The following TCF12 variants were observed in gnomAD, a reference collection of about 807,000 sequenced individuals.
The protein encoded by TCF12 is transcription factor 12.
Under a neutral mutation model 86.0 loss-of-function variants are expected in TCF12, and 45 were observed. That is an observed-to-expected ratio of 0.52 (90% CI 0.41 to 0.67). The LOEUF (loss-of-function observed/expected upper bound fraction) is 0.67, where lower values mean the gene tolerates loss of function less well. Ranked by LOEUF, TCF12 falls within the 30% of genes least tolerant of loss-of-function variation. The pLI is 0.00. For synonymous variants in TCF12, 330 were observed against 299.6 expected (o/e 1.10, Z -1.05); for missense variants, 881 against 859.9 (o/e 1.02, Z -0.31).
intron 6 of TCF12, among the ~76,000 whole-genome samples, chr15:57,171,254 G>A (rs1351075611): frequency 6.6e-6 from 1 of 151,590 alleles, no homozygotes; most frequent in Non-Finnish European, 1.5e-5. Context: ...AGAATTCATA[G>A]GAGCAGTTCG....
At chr15:57,219,818 C>A (rs569977179) in intron 8 of TCF12, among the ~76,000 whole-genome samples, 1 of 151,288 alleles carries the variant, frequency 6.6e-6, no homozygotes, top group African/African-American at 2.4e-5. Flanking sequence ...CTTCGCCTCC[C>A]GGGTTCAAGC....
chr15:57,091,698 G>T (rs550702257), intron 4 of TCF12, 91 bp from the exon 5 acceptor site: 209 of 821,292 alleles, frequency 2.5e-4, no homozygotes, highest in Non-Finnish European at 3.6e-4. Flanking sequence ...CCATGTGTAA[G>T]TCTGTATATT....
At chr15:57,135,905 T>C (rs939003144) in intron 5 of TCF12, among the ~76,000 whole-genome samples, 12 of 151,404 alleles carry the variant, frequency 7.9e-5, no homozygotes, top group Middle Eastern at 3.4e-3. Flanking sequence ...ATTCTAGCTG[T>C]GTTAGAGGGG....
Position 57,177,244 on chromosome 15 carries a change from T to C in TCF12, c.390+10778T>C, listed in dbSNP as rs1458680411. 3.3e-5 allele frequency among the ~76,000 whole-genome samples: 5 copies of C among 151,616 alleles called. No individual in the cohort carries two copies. The East Asian group carries it at 9.7e-4, about 29-fold the overall frequency. ...GTTTTGTGGAAAGAAAGTCTGATCT[T>C]GGAGTATCAGGCAATAGACAATTTT... On this transcript the variant is annotated intron_variant, in intron 6 of 20. Coordinates refer to ENST00000333725, the MANE Select transcript of TCF12 (RefSeq NM_207037.2).
rs2062895114 is a variant in TCF12 at position 56,981,585 on chromosome 15, C to T, written c.148+60487C>T. On this transcript the variant is annotated intron_variant, in intron 3 of 20. Coordinates refer to ENST00000333725, the MANE Select transcript of TCF12 (RefSeq NM_207037.2). ...GGCCAAAAACACTCAAACCATAACA[C>T]TTATATACAATTGGTCTTTGAACAA... Among the ~76,000 whole-genome samples, 3 of 152,118 alleles carry T rather than the reference C, an allele frequency of 2.0e-5. No homozygotes were observed. In the South Asian group the frequency reaches 6.2e-4, roughly 32 times the overall value.
Position 56,958,676 on chromosome 15 carries a change from AGAGTGT to A in TCF12, c.148+37580_148+37585del, listed in dbSNP as rs1328574368. On this transcript the variant is annotated intron_variant, in intron 3 of 20. Coordinates refer to ENST00000333725, the MANE Select transcript of TCF12 (RefSeq NM_207037.2). ...GTATATGAGAAAGAGAGAGAGAGAG[AGAGTGT>A]GTGTGTGTGTGTGTGTGTGTGTGTG... is the stretch of plus-strand genomic sequence containing the variant. 6.7e-4 allele frequency among the ~76,000 whole-genome samples: 62 copies of A among 92,584 alleles called. 1 individual carries two copies. The South Asian group carries it at 7.5e-3, about 11-fold the overall frequency. The allele number at this position is 92,584 out of a possible 152,430, so 60.7% of individuals were successfully genotyped here.
Position 57,091,582 on chromosome 15 carries a change from G to A in TCF12, c.223-207G>A, listed in dbSNP as rs140471439. 3.2e-3 allele frequency among the ~76,000 whole-genome samples: 490 copies of A among 152,122 alleles called. 8 individuals carry two copies. The highest frequency in any genetic ancestry group is 0.011 in the African/African-American group (466 of 41,514). ...TTTATAGAAACCCACTTTTCTTTACGATCAATAAAGAAAATGTTTTTTGAC... is the reference window on the plus strand; with the variant it reads ...TTTATAGAAACCCACTTTTCTTTACAATCAATAAAGAAAATGTTTTTTGAC... On this transcript the variant is annotated intron_variant, in intron 4 of 20. Coordinates refer to ENST00000333725, the MANE Select transcript of TCF12 (RefSeq NM_207037.2).
chr15:57,195,123 G>A (rs374242194), intron 7 of TCF12, among the ~76,000 whole-genome samples: 3 of 152,014 alleles, frequency 2.0e-5, no homozygotes, highest in South Asian at 2.1e-4. Context: ...GGCTGGTCTC[G>A]AACTCCTGAC....
At chr15:56,946,725 A>C (rs1209730632) in intron 3 of TCF12, among the ~76,000 whole-genome samples, 2 of 151,646 alleles carry the variant, frequency 1.3e-5, no homozygotes, top group East Asian at 3.9e-4. Flanking sequence ...TCTGGCAGGA[A>C]ATTAAGTTAT....
At chr15:57,089,432 C>A (rs1704218301) in intron 4 of TCF12, among the ~76,000 whole-genome samples, 1 of 152,052 alleles carries the variant, frequency 6.6e-6, no homozygotes, top group African/African-American at 2.4e-5. Context: ...CAGTCATTAG[C>A]AGTGGGAACA....
At chr15:57,008,766 T>C (rs1279164777) in intron 3 of TCF12, among the ~76,000 whole-genome samples, 3 of 152,190 alleles carry the variant, frequency 2.0e-5, no homozygotes, top group Non-Finnish European at 4.4e-5. Context: ...TCAAAATCTT[T>C]ATTGGTTGCT....
At chr15:56,927,271 G>A (rs898762423) in intron 3 of TCF12, among the ~76,000 whole-genome samples, 1 of 152,118 alleles carries the variant, frequency 6.6e-6, no homozygotes, top group African/African-American at 2.4e-5. Flanking sequence ...AAAGAAGACC[G>A]TCTTTTTTCT....
chr15:56,982,428 A>G (rs2062939172), intron 3 of TCF12, among the ~76,000 whole-genome samples: 1 of 152,180 alleles, frequency 6.6e-6, no homozygotes, highest in Non-Finnish European at 1.5e-5. Context: ...ATTACATGTA[A>G]TACAGATTTG....
intron 6 of TCF12, among the ~76,000 whole-genome samples, chr15:57,191,246 C>T (rs1466990590): frequency 1.3e-5 from 2 of 152,166 alleles, no homozygotes; most frequent in Non-Finnish European, 2.9e-5. Context: ...GGAAGATTGC[C>T]TGAGCCCAGG....
At chr15:56,955,570 A>AT (rs1457274497) in intron 3 of TCF12, among the ~76,000 whole-genome samples, 33 of 152,176 alleles carry the variant, frequency 2.2e-4, no homozygotes, top group African/African-American at 7.7e-4. Flanking sequence ...ATAAATAAAA[A>AT]TAAAAAAAAG....
chr15:57,033,166 A>G (rs2066307128), intron 3 of TCF12, among the ~76,000 whole-genome samples: 1 of 152,214 alleles, frequency 6.6e-6, no homozygotes, highest in Non-Finnish European at 1.5e-5. Context: ...AGAGCTTCAG[A>G]GAACTGTGGA....
In TCF12 at chr15:57,263,258, T is replaced by C; in HGVS notation, c.1729T>C (p.Ser577Pro). ...CTCCCAAAAAGATATCAAGGTTTCA[T>C]CTAGAGGCAGAACAAGGTATTTGTT... is the stretch of plus-strand genomic sequence containing the variant. Reference protein sequence around the residue: ...ESSQKDIKVSSRGRTSSTNED... With the variant: ...ESSQKDIKVSPRGRTSSTNED... Residue 577 changes from serine (S) to proline (P), a missense_variant, in exon 18 of 21, where the codon TCT (serine) becomes CCT (proline). By Grantham distance (74) the Ser-to-Pro change is moderately conservative. This residue lies in a region of TCF12 where 766 missense variants were observed against 718.9 expected (regional missense o/e 1.07). Coordinates refer to ENST00000333725, the MANE Select transcript of TCF12 (RefSeq NM_207037.2). 6.2e-7 allele frequency: 1 copy of C among 1,610,460 alleles called. No individual in the cohort carries two copies.
At position 57,263,155 on chromosome 15, in the gene TCF12, C is replaced by G; in HGVS notation, c.1626C>G (p.Ile542Met). ...CTGGAACTGTTGTTACAACAGAAATCAAGACTGAAAACAAAGAAAAGGATG... is the reference window on the plus strand; with the variant it reads ...CTGGAACTGTTGTTACAACAGAAATGAAGACTGAAAACAAAGAAAAGGATG... Reference protein sequence around the residue: ...SQSGTVVTTEIKTENKEKDEN... With the variant: ...SQSGTVVTTEMKTENKEKDEN... The change falls in exon 18 of 21, where the codon ATC becomes ATG. Residue 542 changes from isoleucine (I) to methionine (M), a missense_variant. Ile to Met is a conservative substitution (Grantham distance 10). Transcript: ENST00000333725. 7.4e-6 allele frequency: 12 copies of G among 1,612,954 alleles called. No individual in the cohort carries two copies. Among genetic ancestry groups the G allele is most frequent in the Non-Finnish European group, 1.0e-5 (12 of 1,179,658 alleles).
intron 5 of TCF12, among the ~76,000 whole-genome samples, chr15:57,165,099 T>A (rs983654410): frequency 2.0e-5 from 3 of 151,484 alleles, no homozygotes; most frequent in Middle Eastern, 3.2e-3. Context: ...TCTACCAGTT[T>A]CCCTTCTTTG....
Sources: allele counts gnomAD v4.1 joint callset (sites outside exome capture counted in the v4.1 genomes callset), GRCh38; gene constraint gnomAD v4.1.1; regional missense constraint gnomAD v4.1.1; transcripts MANE v1.5; gene names NCBI Gene and HGNC (gene_info 2026-07-23, HGNC 2026-07-21).